The following ZNF74 variants were observed in gnomAD, a reference collection of about 807,000 sequenced individuals.
ZNF74 encodes the protein zinc finger protein 74, also known as zinc finger protein 520.
Under a neutral mutation model 17.7 loss-of-function variants are expected in ZNF74, and 12 were observed. That is an observed-to-expected ratio of 0.68 (90% CI 0.43 to 1.10). ZNF74 has a LOEUF of 1.10. ZNF74 is among the 50% of genes least tolerant of loss of function. ZNF74 has a pLI of 0.00. For synonymous variants in ZNF74, 358 were observed against 362.1 expected (o/e 0.99, Z 0.13); for missense variants, 811 against 881.0 (o/e 0.92, Z 1.01).
rs2052268318 is a variant in ZNF74, at chr22:20,394,465, G to A, written c.-164G>A. The A allele has an allele frequency of 1.5e-6, 1 of 684,058 alleles. No homozygotes were observed. Among genetic ancestry groups the A allele is most frequent in the Non-Finnish European group, 2.5e-6 (1 of 396,852 alleles). The allele number at this position is 684,058 out of a possible 1,614,324, so 42.4% of individuals were successfully genotyped here. On this transcript the variant is annotated 5_prime_UTR_variant, in exon 1 of 5. Coordinates refer to ENST00000400451, the MANE Select transcript of ZNF74 (RefSeq NM_003426.4). ...CCCACCTCAGCCGGGCGCGGGGAGG[G>A]GGCTCCGTGCGTGTGATCGTGCAGC...
rs115235585 is a variant in ZNF74, at chr22:20,407,963, G to A, written c.*995G>A. The A allele has an allele frequency of 9.6e-4, 146 of 152,326 alleles. 1 individual carries two copies. The highest frequency in any genetic ancestry group is 3.4e-3 in the African/African-American group (141 of 41,566). 9.4% of individuals were successfully genotyped at this position (152,326 alleles called of 1,614,324 possible). A position where few individuals can be genotyped will look rare whatever the true frequency, so the allele number is the denominator to read the frequency against. On this transcript the variant is annotated 3_prime_UTR_variant, in exon 5 of 5. Transcript: ENST00000400451. ...GGTGCCCAGTGCATTCAGGGAAGAT[G>A]GGCACAACATCAGGATGGGTGTGTC...
chr22:20,401,074 C>A lies in ZNF74; in HGVS notation c.248-203C>A. On this transcript the variant is annotated intron_variant, in intron 3 of 4. Transcript: ENST00000400451. This position sits in a 1 kb window ranked among gnomAD's most constrained non-coding sequence, Gnocchi z 4.2. The stretch of plus-strand genomic sequence containing the variant: ...CAGTCCTCAAGCAATGAAGTAAGGA[C>A]GTCAGCACACGTGGGGTCTTCAGAG... The A allele has an allele frequency of 1.7e-6, 1 of 595,224 alleles. No homozygotes were observed. Among genetic ancestry groups the A allele is most frequent in the Non-Finnish European group, 3.0e-6 (1 of 334,668 alleles). 36.9% of individuals were successfully genotyped at this position (595,224 alleles called of 1,614,324 possible). A position where few individuals can be genotyped will look rare whatever the true frequency, so the allele number is the denominator to read the frequency against.
At chr22:20,398,332 A>C (rs1191476816) in intron 2 of ZNF74, among the ~76,000 whole-genome samples, 3 of 52,080 alleles carry the variant, frequency 5.8e-5, no homozygotes, top group African/African-American at 1.5e-4. Context: ...AAAAAAAAAA[A>C]AAAAAAAACC....
intron 4 of ZNF74, among the ~76,000 whole-genome samples, chr22:20,405,119 A>G (rs949527473): frequency 1.3e-5 from 2 of 151,924 alleles, no homozygotes; most frequent in African/African-American, 4.8e-5. Context: ...TCCTTCCGGG[A>G]TTCCTTTGGC....
At position 20,395,328 on chromosome 22, in the gene ZNF74, G is replaced by T. The variant is rs1371773287; in HGVS notation, c.35-5G>T. Reference sequence around the variant, plus strand: ...CGTGACCTTGACTCATTTCTCCTTCGCCAGCTCTTTCCTCTCAGGATCCTG... The same window carrying T: ...CGTGACCTTGACTCATTTCTCCTTCTCCAGCTCTTTCCTCTCAGGATCCTG... On this transcript the variant is annotated splice_region_variant and splice_polypyrimidine_tract_variant and intron_variant, in intron 1 of 4. Transcript: ENST00000400451. 3 of 1,591,766 alleles carry T rather than the reference G, an allele frequency of 1.9e-6. No individual in the cohort carries two copies. The African/African-American group carries it at 4.0e-5, about 21-fold the overall frequency.
Position 20,405,568 on chromosome 22 carries a change from T to C in ZNF74, c.535T>C (p.Phe179Leu), listed in dbSNP as rs954568729. ...GGTCTGGGACGTCCCTGTAGAGGAA[T>C]TCCCCCTCAGGTGTCCCCTCTTCGC... ...AMVWDVPVEEFPLRCPLFAQQ... is the reference protein window; with the variant it reads ...AMVWDVPVEELPLRCPLFAQQ... The change falls in exon 5 of 5, where the codon TTC (phenylalanine) becomes CTC (leucine). Residue 179 changes from phenylalanine to leucine, a missense_variant. Transcript: ENST00000400451. 1.2e-6 allele frequency: 2 copies of C among 1,610,592 alleles called. No individual in the cohort carries two copies. The highest frequency in any genetic ancestry group is 1.7e-6 in the Non-Finnish European group (2 of 1,178,140).
At chr22:20,396,168 GT>G (rs963368634) in intron 2 of ZNF74, among the ~76,000 whole-genome samples, 4 of 122,410 alleles carry the variant, frequency 3.3e-5, no homozygotes, top group Admixed American at 8.6e-5. Context: ...TTGGGTTTTT[GT>G]TTTTTTTTTA....
Position 20,406,879 on chromosome 22 carries a change from A to G in ZNF74, c.1846A>G (p.Ile616Val), listed in dbSNP as rs758164607. Residue 616 changes from isoleucine (I) to valine (V), a missense_variant, in exon 5 of 5, where the codon ATC (isoleucine) becomes GTC (valine). Ile to Val is a conservative substitution (Grantham distance 29). Transcript: ENST00000400451. ...TGCTGGACTGAGGGACGTGGATCCC[A>G]TCGACGCGCTGGATGTGGCAAAGCT... ...GDAGLRDVDP[I>V]DALDVAKLLC... 4 of 1,613,946 alleles carry G rather than the reference A, an allele frequency of 2.5e-6. No individual in the cohort carries two copies. Among genetic ancestry groups the G allele is most frequent in the Non-Finnish European group, 3.4e-6 (4 of 1,180,040 alleles).
At position 20,401,901 on chromosome 22, in the gene ZNF74, C is replaced by T. The variant is rs1263016414; in HGVS notation, c.343+529C>T. Among the ~76,000 whole-genome samples the T allele has an allele frequency of 1.3e-5, 2 of 152,102 alleles. No individual in the cohort carries two copies. The highest frequency in any genetic ancestry group is 6.6e-5 in the Admixed American group (1 of 15,262). ...GCATCAGCATTAGGGTCAGCATCAG[C>T]GTCAGGGTCAGGGTCAACGTCAGCG... On this transcript the variant is annotated intron_variant, in intron 4 of 4. Transcript: ENST00000400451. The surrounding 1 kb of genome is among the most constrained non-coding windows in gnomAD (Gnocchi z 4.2).
At position 20,394,570 on chromosome 22, in the gene ZNF74, C is replaced by G. The variant is rs896187518; in HGVS notation, c.-59C>G. The G allele has an allele frequency of 1.2e-4, 188 of 1,591,486 alleles. No individual in the cohort carries two copies. The highest frequency in any genetic ancestry group is 1.6e-4 in the Non-Finnish European group (186 of 1,159,804). ...GCAGTACTCGCTCTTCAGGGCCTGC[C>G]CTGGATCCTGGAGGCTACACAGCTG... On this transcript the variant is annotated 5_prime_UTR_variant, in exon 1 of 5. Coordinates refer to ENST00000400451, the MANE Select transcript of ZNF74 (RefSeq NM_003426.4).
At chr22:20,399,790 T>C in intron 2 of ZNF74, 1 of 204,138 alleles carries the variant, frequency 4.9e-6, no homozygotes, top group South Asian at 6.2e-5. Context: ...CTTTTTTGTT[T>C]CTCATTTCCT....
chr22:20,406,534 G>T lies in ZNF74; in HGVS notation c.1501G>T (p.Asp501Tyr). The T allele has an allele frequency of 6.2e-7, 1 of 1,611,346 alleles. No individual in the cohort carries two copies. The highest frequency in any genetic ancestry group is 8.5e-7 in the Non-Finnish European group (1 of 1,179,240). Reference sequence around the variant, plus strand: ...CATCCACACAGGCGAGAAGCCCTTCGACTGCAGCCAGTGTTGGAAGGCCTT... The same window carrying T: ...CATCCACACAGGCGAGAAGCCCTTCTACTGCAGCCAGTGTTGGAAGGCCTT... The part of the protein sequence containing the change: ...RRIHTGEKPF[D>Y]CSQCWKAFSC... Residue 501 changes from aspartate (D) to tyrosine (Y), a missense_variant, in exon 5 of 5, where the codon GAC becomes TAC. Coordinates refer to ENST00000400451, the MANE Select transcript of ZNF74 (RefSeq NM_003426.4).
At chr22:20,400,888 C>A in intron 3 of ZNF74, 130 bp downstream of exon 3, 1 of 1,180,826 alleles carries the variant, frequency 8.5e-7, no homozygotes, top group South Asian at 1.5e-5. Flanking sequence ...AAGGCCTGTG[C>A]CTTGGGGCAC....
chr22:20,401,436 G>GC lies in ZNF74; in HGVS notation c.343+68dup. The GC allele has an allele frequency of 9.1e-7, 1 of 1,103,322 alleles. No individual in the cohort carries two copies. Among genetic ancestry groups the GC allele is most frequent in the South Asian group, 1.4e-5 (1 of 72,502 alleles). 68.3% of individuals were successfully genotyped at this position (1,103,322 alleles called of 1,614,324 possible). A position where few individuals can be genotyped will look rare whatever the true frequency, so the allele number is the denominator to read the frequency against. On this transcript the variant is annotated intron_variant, in intron 4 of 4. Transcript: ENST00000400451. This position sits in a 1 kb window ranked among gnomAD's most constrained non-coding sequence, Gnocchi z 4.2. Reference sequence around the variant, plus strand: ...ACCCCTGGTGGCACCTCCTCCTATGGCCCCTATTTTCCTCCCTCAGTTTGC... The same window carrying GC: ...ACCCCTGGTGGCACCTCCTCCTATGGCCCCCTATTTTCCTCCCTCAGTTTGC...
In ZNF74 at chr22:20,401,380, G is replaced by C; in HGVS notation, c.343+8G>C. On this transcript the variant is annotated splice_region_variant and intron_variant, in intron 4 of 4. Transcript: ENST00000400451. This position sits in a 1 kb window ranked among gnomAD's most constrained non-coding sequence, Gnocchi z 4.2. Reference sequence around the variant, plus strand: ...CCAGAGGGCCCTGTCCAGGTGAGCAGAGGCACAGGTGGAAGGGTGCCAGCC... The same window carrying C: ...CCAGAGGGCCCTGTCCAGGTGAGCACAGGCACAGGTGGAAGGGTGCCAGCC... The C allele has an allele frequency of 6.3e-7, 1 of 1,584,728 alleles. No individual in the cohort carries two copies.
At chr22:20,398,040 C>T (rs781446802) in intron 2 of ZNF74, among the ~76,000 whole-genome samples, 1 of 152,120 alleles carries the variant, frequency 6.6e-6, no homozygotes, top group Non-Finnish European at 1.5e-5. Context: ...CTCTCCAGGC[C>T]GGGTGCAGTG....
Position 20,394,269 on chromosome 22 carries a change from G to A in ZNF74, c.-360G>A. ...CTGTCCGCTTCGGGACCTGTCCGCTGGTCGCTCCGCGTCCGATGGCTCCTG... is the reference window on the plus strand; with the variant it reads ...CTGTCCGCTTCGGGACCTGTCCGCTAGTCGCTCCGCGTCCGATGGCTCCTG... On this transcript the variant is annotated 5_prime_UTR_variant, in exon 1 of 5. Coordinates refer to ENST00000400451, the MANE Select transcript of ZNF74 (RefSeq NM_003426.4). 1.4e-6 allele frequency: 1 copy of A among 706,818 alleles called. No individual in the cohort carries two copies. Among genetic ancestry groups the A allele is most frequent in the Admixed American group, 2.0e-5 (1 of 49,746 alleles). 43.8% of individuals were successfully genotyped at this position (706,818 alleles called of 1,614,324 possible).
rs1465685379 is a variant in ZNF74, at chr22:20,394,402, T to C, written c.-227T>C. 13 of 648,858 alleles carry C rather than the reference T, an allele frequency of 2.0e-5. No homozygotes were observed. Among genetic ancestry groups the C allele is most frequent in the Non-Finnish European group, 3.4e-5 (12 of 355,946 alleles). The allele number at this position is 648,858 out of a possible 1,614,324, so 40.2% of individuals were successfully genotyped here. On this transcript the variant is annotated 5_prime_UTR_variant, in exon 1 of 5. Coordinates refer to ENST00000400451, the MANE Select transcript of ZNF74 (RefSeq NM_003426.4). ...AGTGCGCCGAGCATGGGGCTGAGCC[T>C]GGTGTGGGGAGTGGGTATCTGCGGA... is the stretch of plus-strand genomic sequence containing the variant.
intron 4 of ZNF74, among the ~76,000 whole-genome samples, chr22:20,402,200 A>G (rs1179836422): frequency 2.0e-5 from 3 of 152,074 alleles, no homozygotes; most frequent in African/African-American, 7.2e-5. Context: ...CGGGGAAGGC[A>G]GCCCCTCCTC....
Sources: allele counts gnomAD v4.1 joint callset (sites outside exome capture counted in the v4.1 genomes callset), GRCh38; gene constraint gnomAD v4.1.1; non-coding constraint Gnocchi (gnomAD v3.1); transcripts MANE v1.5; gene names NCBI Gene and HGNC (gene_info 2026-07-23, HGNC 2026-07-21).